EXT1: variants seen among roughly 807,000 people sequenced by gnomAD.
The protein encoded by EXT1 is exostosin-1.
A neutral mutation model predicts 82.5 loss-of-function variants in EXT1; 20 were observed. The ratio of observed to expected loss-of-function variants is 0.24; its 90% CI spans 0.17 to 0.35. The LOEUF (loss-of-function observed/expected upper bound fraction) is 0.35. Ranked by LOEUF, EXT1 falls within the 10% of genes least tolerant of loss-of-function variation. The pLI is 1.00. For synonymous variants in EXT1, 348 were observed against 350.8 expected (o/e 0.99, Z 0.09); for missense variants, 757 against 936.5 (o/e 0.81, Z 2.50).
Position 118,110,483 on chromosome 8 carries a change from C to A in EXT1, c.564G>T (p.Arg188Ser), listed in dbSNP as rs1817877271. ...AATATAAATTAAAAATTAAATGATT[C>A]CTACCATTGTTCCACAAGTGGAGAC... ...VQSLHLWNNG[R>S]NHLIFNLYSG... Residue 188 changes from arginine to serine, a missense_variant, in exon 1 of 11, where the codon AGG becomes AGT. By Grantham distance (110) the Arg-to-Ser change is moderately radical. This residue lies in a region of EXT1 where 247 missense variants were observed against 330.1 expected (regional missense o/e 0.75). Coordinates refer to ENST00000378204, the MANE Select transcript of EXT1 (RefSeq NM_000127.3). 1 of 1,614,092 alleles carries A rather than the reference C, an allele frequency of 6.2e-7. No homozygotes were observed.
In EXT1 at chr8:117,809,245, T is replaced by TATATATA. The variant is rs1563874289; in HGVS notation, c.1723-1869_1723-1868insTATATAT. Among the ~76,000 whole-genome samples, 11 of 66,088 alleles carry TATATATA rather than the reference T, an allele frequency of 1.7e-4. 1 individual carries two copies. Among genetic ancestry groups the TATATATA allele is most frequent in the African/African-American group, 2.8e-4 (7 of 25,408 alleles). The allele number at this position is 66,088 out of a possible 152,430, so 43.4% of individuals were successfully genotyped here. A position where few individuals can be genotyped will look rare whatever the true frequency, so the allele number is the denominator to read the frequency against. ...TATATATATATATATATATATATAT[T>TATATATA]ATGTTCTATTGATTCTGTTTGCCTG... On this transcript the variant is annotated intron_variant, in intron 8 of 10. Coordinates refer to ENST00000378204, the MANE Select transcript of EXT1 (RefSeq NM_000127.3).
intron 1 of EXT1, among the ~76,000 whole-genome samples, chr8:117,956,220 G>A (rs966137858): frequency 6.6e-6 from 1 of 150,692 alleles, no homozygotes; most frequent in African/African-American, 2.4e-5. Flanking sequence ...GCTGAAACAG[G>A]AGGCCCTTGG....
At chr8:118,090,841 ATATC>A (rs1257683125) in intron 1 of EXT1, among the ~76,000 whole-genome samples, 1 of 148,800 alleles carries the variant, frequency 6.7e-6, no homozygotes, top group African/African-American at 2.5e-5. Context: ...CCACAGAATT[ATATC>A]CTTGTGAATC....
At chr8:118,081,989 CAA>C (rs1351902423) in intron 1 of EXT1, among the ~76,000 whole-genome samples, 2 of 152,008 alleles carry the variant, frequency 1.3e-5, no homozygotes, top group Non-Finnish European at 2.9e-5. Context: ...CTGGGGGAAA[CAA>C]GAGTCGGGGA....
intron 1 of EXT1, 47 bp downstream of exon 1, chr8:118,110,038 C>A: frequency 1.2e-6 from 2 of 1,612,396 alleles, no homozygotes; most frequent in Non-Finnish European, 1.7e-6. Context: ...CCAAGGCCGG[C>A]AGAGCCCAAG....
At chr8:117,853,955 G>A (rs904497361) in intron 1 of EXT1, among the ~76,000 whole-genome samples, 2 of 152,242 alleles carry the variant, frequency 1.3e-5, no homozygotes, top group Non-Finnish European at 2.9e-5. Context: ...AAGTAGCAGT[G>A]AGCTTCTGCT....
intron 1 of EXT1, among the ~76,000 whole-genome samples, chr8:118,071,814 T>A (rs1817100661): frequency 6.6e-6 from 1 of 152,170 alleles, no homozygotes; most frequent in South Asian, 2.1e-4. Flanking sequence ...ATAATGATAT[T>A]GTTATTTTTA....
chr8:117,876,255 G>T (rs1389738728), intron 1 of EXT1, among the ~76,000 whole-genome samples: 1 of 152,204 alleles, frequency 6.6e-6, no homozygotes, highest in African/African-American at 2.4e-5. Context: ...AATGACACTT[G>T]AAATGAATTT....
intron 1 of EXT1, among the ~76,000 whole-genome samples, chr8:118,055,995 T>C (rs963547069): frequency 1.3e-5 from 2 of 152,192 alleles, no homozygotes; most frequent in Non-Finnish European, 2.9e-5. Context: ...ATCTTTTGGC[T>C]TCCCTGGGCC....
Position 117,794,851 on chromosome 8 carries a change from A to G in EXT1, c.*4861T>C, listed in dbSNP as rs772550679. 18 of 152,286 alleles carry G rather than the reference A, an allele frequency of 1.2e-4. No individual in the cohort carries two copies. The highest frequency in any genetic ancestry group is 6.8e-3 in the Middle Eastern group (2 of 294). 9.4% of individuals were successfully genotyped at this position (152,286 alleles called of 1,614,324 possible). ...GTATACTTTTGTTTTTTGCGTTACAATTTGCCACCTAAAATAGTTCCAGTT... is the reference window on the plus strand; with the variant it reads ...GTATACTTTTGTTTTTTGCGTTACAGTTTGCCACCTAAAATAGTTCCAGTT... On this transcript the variant is annotated 3_prime_UTR_variant, in exon 11 of 11. Transcript: ENST00000378204.
intron 1 of EXT1, among the ~76,000 whole-genome samples, chr8:117,943,466 A>T (rs942465530): frequency 4.9e-4 from 73 of 150,076 alleles, no homozygotes; most frequent in Non-Finnish European, 1.5e-5. Context: ...ATATAGTCAC[A>T]TACAAAAAAA....
Position 117,979,974 on chromosome 8 carries a change from C to T in EXT1, c.962+130111G>A, listed in dbSNP as rs1815151946. Among the ~76,000 whole-genome samples, 3 of 152,182 alleles carry T rather than the reference C, an allele frequency of 2.0e-5. No homozygotes were observed. In the South Asian group the frequency reaches 6.2e-4, roughly 31 times the overall value. On this transcript the variant is annotated intron_variant, in intron 1 of 10. Coordinates refer to ENST00000378204, the MANE Select transcript of EXT1 (RefSeq NM_000127.3). ...ATCAATGATGAACTGGGACAGGAGT[C>T]ATTAATGTGACCATGGACAAGGTAG...
intron 1 of EXT1, among the ~76,000 whole-genome samples, chr8:117,869,113 G>A (rs1812826122): frequency 6.6e-6 from 1 of 152,196 alleles, no homozygotes; most frequent in Non-Finnish European, 1.5e-5. Context: ...CCCACCCAGT[G>A]TCTGCCCCAC....
intron 1 of EXT1, among the ~76,000 whole-genome samples, chr8:117,924,056 G>A (rs952618425): frequency 5.9e-5 from 9 of 152,328 alleles, no homozygotes; most frequent in East Asian, 1.9e-4. Flanking sequence ...AGAGGAATTC[G>A]TATCACGTGG....
chr8:118,012,442 T>C (rs6985857), intron 1 of EXT1, among the ~76,000 whole-genome samples: 12,862 of 152,258 alleles, frequency 0.084, 1,882 homozygotes, highest in African/African-American at 0.29. Flanking sequence ...AACAAGCTGC[T>C]GGTGCAGTGT....
chr8:118,105,670 T>C (rs544392532), intron 1 of EXT1, among the ~76,000 whole-genome samples: 24 of 152,318 alleles, frequency 1.6e-4, no homozygotes, highest in Non-Finnish European at 2.8e-4. Context: ...ACTGTGCTAA[T>C]TGGGTTTATG....
At chr8:118,041,938 A>C (rs1816539010) in intron 1 of EXT1, among the ~76,000 whole-genome samples, 1 of 136,222 alleles carries the variant, frequency 7.3e-6, no homozygotes, top group Admixed American at 8.0e-5. Context: ...ACAGAGCGAG[A>C]CTCTGCCTCA....
chr8:117,815,309 G>A (rs558090136), intron 7 of EXT1, among the ~76,000 whole-genome samples: 1 of 152,286 alleles, frequency 6.6e-6, no homozygotes, highest in South Asian at 2.1e-4. Flanking sequence ...AATTCATGGA[G>A]ATAGAGATTT....
At chr8:118,032,271 G>C (rs1396719116) in intron 1 of EXT1, among the ~76,000 whole-genome samples, 3 of 151,714 alleles carry the variant, frequency 2.0e-5, no homozygotes, top group African/African-American at 7.2e-5. Flanking sequence ...GAACTTGTTA[G>C]AAATGCAAAT....
Sources: gnomAD v4.1 joint callset for allele counts (sites outside exome capture counted in the v4.1 genomes callset) on GRCh38, gnomAD v4.1.1 for gene constraint, gnomAD v4.1.1 regional missense constraint, MANE v1.5 for transcripts, NCBI Gene and HGNC (gene_info 2026-07-23, HGNC 2026-07-21) for gene names.